RNF212: variants seen among roughly 807,000 people sequenced by gnomAD.
The protein encoded by RNF212 is probable E3 SUMO-protein ligase RNF212.
In RNF212, 33 loss-of-function variants were observed where a neutral mutation model predicts 34.7. That is an observed-to-expected ratio of 0.95 (90% CI 0.72 to 1.27). The LOEUF (loss-of-function observed/expected upper bound fraction) is 1.27. RNF212 is among the 50% of genes most tolerant of loss of function. RNF212 has a pLI of 0.00. For missense variants in RNF212, 377 were observed against 362.2 expected, an observed-to-expected ratio of 1.04 and a Z score of -0.33; for synonymous variants, 140 against 136.1, an observed-to-expected ratio of 1.03 and a Z score of -0.20.
chr4:1,092,186 G>A (rs935931067), intron 3 of RNF212, among the ~76,000 whole-genome samples: 1 of 152,226 alleles, frequency 6.6e-6, no homozygotes, highest in African/African-American at 2.4e-5. Flanking sequence ...ACCAGCAGAC[G>A]CGCCTCATCC....
chr4:1,065,170 T>A (rs1397408787), intron 3 of RNF212, among the ~76,000 whole-genome samples: 1 of 152,224 alleles, frequency 6.6e-6, no homozygotes, highest in Admixed American at 6.5e-5. Flanking sequence ...TGCAGCATCA[T>A]CTGGGAATTG....
chr4:1,096,753 C>T lies in RNF212; in HGVS notation c.246+12G>A, dbSNP rs368627425. On this transcript the variant is annotated intron_variant, in intron 3 of 9. Transcript: ENST00000433731. ...CTCATCACGGAACCAAGCCACACCCCTCACAGCTCACCTGGGAGGTTTCCC... is the reference window on the plus strand; with the variant it reads ...CTCATCACGGAACCAAGCCACACCCTTCACAGCTCACCTGGGAGGTTTCCC... The T allele has an allele frequency of 6.2e-7, 1 of 1,608,914 alleles. No homozygotes were observed.
At position 1,072,769 on chromosome 4, in the gene RNF212, G is replaced by A. The variant is rs1718643764; in HGVS notation, c.*105C>T. The A allele has an allele frequency of 6.9e-7, 1 of 1,457,436 alleles. No individual in the cohort carries two copies. The highest frequency in any genetic ancestry group is 2.7e-5 in the Admixed American group (1 of 37,622). 90.3% of individuals were successfully genotyped at this position (1,457,436 alleles called of 1,614,324 possible). Reference sequence around the variant, plus strand: ...AAAGGTTAATATCCTGCACACTGAGGGCTTCCACATAAATGACAAAGGAAT... The same window carrying A: ...AAAGGTTAATATCCTGCACACTGAGAGCTTCCACATAAATGACAAAGGAAT... On this transcript the variant is annotated 3_prime_UTR_variant, in exon 10 of 10. Coordinates refer to ENST00000433731, the MANE Select transcript of RNF212 (RefSeq NM_001131034.4).
intron 3 of RNF212, among the ~76,000 whole-genome samples, chr4:1,094,760 C>T (rs1461610340): frequency 6.6e-6 from 1 of 152,160 alleles, no homozygotes; most frequent in Non-Finnish European, 1.5e-5. Flanking sequence ...ACCCAGAGAA[C>T]CCTGATCTGG....
intron 4 of RNF212, 44 bp from the exon 5 acceptor site, chr4:1,085,998 T>G: frequency 7.4e-7 from 1 of 1,360,418 alleles, no homozygotes; most frequent in Admixed American, 1.7e-5. Flanking sequence ...CAGGCTATGC[T>G]GAGTGACATG....
At position 1,093,581 on chromosome 4, in the gene RNF212, C is replaced by G. The variant is rs73792265; in HGVS notation, c.247-2743G>C. ...CCGGAAGCCTGAGAGGCACGAGAGG[C>G]AGAGCAGACAGGTGGCTGGAGGGGC... On this transcript the variant is annotated intron_variant, in intron 3 of 9. Coordinates refer to ENST00000433731, the MANE Select transcript of RNF212 (RefSeq NM_001131034.4). 0.011 allele frequency: 14,535 copies of G among 1,273,952 alleles called. 1,238 individuals carry two copies. In the African/African-American group the frequency reaches 0.22, roughly 19 times the overall value. 78.9% of individuals were successfully genotyped at this position (1,273,952 alleles called of 1,614,324 possible). A position where few individuals can be genotyped will look rare whatever the true frequency, so the allele number is the denominator to read the frequency against.
chr4:1,074,922 C>T (rs547326162), intron 8 of RNF212, among the ~76,000 whole-genome samples: 49 of 152,330 alleles, frequency 3.2e-4, no homozygotes, highest in African/African-American at 1.1e-3. Flanking sequence ...TCCTTCCATC[C>T]GCTAGGATGT....
At chr4:1,082,208 T>C (rs1720467161) in intron 5 of RNF212, among the ~76,000 whole-genome samples, 1 of 152,126 alleles carries the variant, frequency 6.6e-6, no homozygotes. Context: ...ATGGACAAGT[T>C]ACTTGGTCAC....
chr4:1,056,907 C>T (rs1454777702), intron 4 of RNF212: 1 of 987,926 alleles, frequency 1.0e-6, no homozygotes, highest in Non-Finnish European at 1.2e-6. Context: ...GCCTGGGAGC[C>T]CCCGAAGCTT....
intron 1 of RNF212, among the ~76,000 whole-genome samples, chr4:1,111,390 C>G (rs985461345): frequency 6.6e-6 from 1 of 152,146 alleles, no homozygotes; most frequent in African/African-American, 2.4e-5. Flanking sequence ...TCTTGTCTTC[C>G]CCTGGATGGC....
intron 2 of RNF212, among the ~76,000 whole-genome samples, chr4:1,105,420 C>T (rs944769928): frequency 2.6e-5 from 4 of 152,206 alleles, no homozygotes; most frequent in Non-Finnish European, 4.4e-5. Context: ...TGCGTTCAAT[C>T]GTAATGGAGC....
At chr4:1,079,925 C>T (rs529008777) in intron 7 of RNF212, among the ~76,000 whole-genome samples, 1 of 152,384 alleles carries the variant, frequency 6.6e-6, no homozygotes, top group South Asian at 2.1e-4. Context: ...GCTGGCCGGC[C>T]CGCCCTGGTT....
intron 2 of RNF212, among the ~76,000 whole-genome samples, chr4:1,107,790 A>G (rs1223621989): frequency 6.6e-6 from 1 of 152,214 alleles, no homozygotes; most frequent in Non-Finnish European, 1.5e-5. Context: ...GTACTATACG[A>G]ATGTTGTGTA....
chr4:1,090,418 A>G (rs950628512), intron 4 of RNF212, among the ~76,000 whole-genome samples: 2 of 152,198 alleles, frequency 1.3e-5, no homozygotes, highest in South Asian at 4.1e-4. Context: ...CATAACCTTC[A>G]AAGTTTTTTA....
chr4:1,073,883 G>C (rs1409505918), intron 8 of RNF212: 2 of 557,196 alleles, frequency 3.6e-6, no homozygotes, highest in Admixed American at 2.9e-5. Context: ...TTACCTGTTT[G>C]ATTCCCTCTG....
intron 5 of RNF212, among the ~76,000 whole-genome samples, chr4:1,082,565 G>A (rs1382535630): frequency 6.6e-6 from 1 of 152,182 alleles, no homozygotes; most frequent in Non-Finnish European, 1.5e-5. Flanking sequence ...TCAACCACTG[G>A]GGCCTCCGCT....
chr4:1,090,107 T>G (rs1400542851), intron 4 of RNF212, among the ~76,000 whole-genome samples: 1 of 114,348 alleles, frequency 8.7e-6, no homozygotes, highest in Admixed American at 9.7e-5. Context: ...GGTGACAGGA[T>G]GGGGTTGGGG....
Position 1,113,498 on chromosome 4 carries a change from C to T in RNF212, c.-34G>A. 1 of 1,564,460 alleles carries T rather than the reference C, an allele frequency of 6.4e-7. No homozygotes were observed. Among genetic ancestry groups the T allele is most frequent in the Non-Finnish European group, 8.7e-7 (1 of 1,144,102 alleles). On this transcript the variant is annotated 5_prime_UTR_variant, in exon 1 of 10. Transcript: ENST00000433731. ...GGCGACCGCAGCGGCGAGGCCGGGC[C>T]CACGCGAAGCCCACGCAAGGTTGGG...
At chr4:1,065,856 G>T (rs1718059942) in intron 3 of RNF212, among the ~76,000 whole-genome samples, 1 of 151,346 alleles carries the variant, frequency 6.6e-6, no homozygotes, top group South Asian at 2.1e-4. Flanking sequence ...AAAGTGCTGG[G>T]ATTACAGACA....
Sources: gnomAD v4.1 joint callset for allele counts (sites outside exome capture counted in the v4.1 genomes callset) on GRCh38, gnomAD v4.1.1 for gene constraint, MANE v1.5 for transcripts, NCBI Gene and HGNC (gene_info 2026-07-23, HGNC 2026-07-21) for gene names.